The following PDK1 variants were observed in gnomAD, a reference collection of about 807,000 sequenced individuals.
PDK1 encodes the protein [Pyruvate dehydrogenase (acetyl-transferring)] kinase isozyme 1, mitochondrial.
In PDK1, 39 loss-of-function variants were observed where a neutral mutation model predicts 54.2. The ratio of observed to expected loss-of-function variants is 0.72; its 90% CI spans 0.56 to 0.94. The LOEUF (loss-of-function observed/expected upper bound fraction) is 0.94, where lower values mean the gene tolerates loss of function less well. Among genes scored for constraint, PDK1 ranks in the 40% least tolerant of loss-of-function variants. The pLI is 0.00. For synonymous variants in PDK1, 221 were observed against 207.1 expected, an observed-to-expected ratio of 1.07 and a Z score of -0.58; for missense variants, 552 against 566.0, an observed-to-expected ratio of 0.98 and a Z score of 0.25.
downstream of PDK1, among the ~76,000 whole-genome samples, chr2:172,609,197 C>T (rs377506118): frequency 6.6e-5 from 10 of 152,256 alleles, no homozygotes; most frequent in East Asian, 7.7e-4. Context: ...ATGCTATCTA[C>T]GACAAGGACA....
At chr2:172,667,288 A>C in the PDK1 span, among the ~76,000 whole-genome samples, 1 of 152,240 alleles carries the variant, frequency 6.6e-6, no homozygotes, top group Non-Finnish European at 1.5e-5. Flanking sequence ...GGTTGTCTGC[A>C]GAAGGAACAG....
At chr2:172,668,938 GAA>G in the PDK1 span, among the ~76,000 whole-genome samples, 205 of 128,026 alleles carry the variant, frequency 1.6e-3, 3 homozygotes, top group East Asian at 9.9e-3. Context: ...GAGAGAGAGA[GAA>G]AGAGAGAGAG....
the PDK1 span, among the ~76,000 whole-genome samples, chr2:172,721,989 C>T: frequency 1.3e-5 from 2 of 152,222 alleles, no homozygotes; most frequent in South Asian, 2.1e-4. Context: ...CTTGCCTTAC[C>T]GTTAGCTACT....
At chr2:172,713,571 G>A in the PDK1 span, among the ~76,000 whole-genome samples, 1 of 152,378 alleles carries the variant, frequency 6.6e-6, no homozygotes, top group East Asian at 1.9e-4. Flanking sequence ...TCCTGAGCAT[G>A]TGCACACCCA....
At chr2:172,646,735 C>CTT in the PDK1 span, among the ~76,000 whole-genome samples, 388 of 72,030 alleles carry the variant, frequency 5.4e-3, 26 homozygotes, top group Middle Eastern at 0.028. Flanking sequence ...CTTGCATTTC[C>CTT]TTTTTTTTTT....
At chr2:172,683,333 C>T in the PDK1 span, among the ~76,000 whole-genome samples, 36 of 120,704 alleles carry the variant, frequency 3.0e-4, no homozygotes, top group East Asian at 4.8e-4. Context: ...GGCGACAGAG[C>T]GAAACTCCGT....
chr2:172,679,139 A>T, the PDK1 span: 4 of 152,160 alleles, frequency 2.6e-5, no homozygotes, highest in African/African-American at 9.7e-5. Flanking sequence ...ACTTCCCTAA[A>T]TTTTTATTCT....
chr2:172,723,277 T>C, the PDK1 span: 1 of 152,212 alleles, frequency 6.6e-6, no homozygotes, highest in Non-Finnish European at 1.5e-5. Flanking sequence ...TATACTATTC[T>C]TTTGATGACA....
At chr2:172,668,953 G>A in the PDK1 span, among the ~76,000 whole-genome samples, 8 of 134,052 alleles carry the variant, frequency 6.0e-5, 1 homozygote, top group South Asian at 2.1e-3. Flanking sequence ...AGAGAGAGAC[G>A]GAGTAAACTC....
At chr2:172,562,758 G>T (rs748242051) in intron 3 of PDK1, 7 of 1,599,440 alleles carry the variant, frequency 4.4e-6, no homozygotes, top group South Asian at 2.2e-5. Context: ...AGAAGAACAT[G>T]GTTGCAGGTC....
chr2:172,572,650 C>G (rs963903797), intron 8 of PDK1, among the ~76,000 whole-genome samples: 1 of 152,128 alleles, frequency 6.6e-6, no homozygotes, highest in Non-Finnish European at 1.5e-5. Context: ...CGCTTGAACC[C>G]AGCAGCAGAG....
Position 172,562,204 on chromosome 2 carries a change from T to A in PDK1, c.339-16T>A. On this transcript the variant is annotated splice_polypyrimidine_tract_variant and intron_variant, in intron 2 of 10. Transcript: ENST00000282077. ...AATATAAAAGAACAAACTTATCCTA[T>A]TGATCTGCATTTTAGGTATATCCAG... 1 of 1,416,466 alleles carries A rather than the reference T, an allele frequency of 7.1e-7. No individual in the cohort carries two copies. The highest frequency in any genetic ancestry group is 9.9e-7 in the Non-Finnish European group (1 of 1,006,802). 87.7% of individuals were successfully genotyped at this position (1,416,466 alleles called of 1,614,324 possible). A position where few individuals can be genotyped will look rare whatever the true frequency, so the allele number is the denominator to read the frequency against.
chr2:172,657,466 C>T, the PDK1 span, among the ~76,000 whole-genome samples: 41,938 of 89,346 alleles, frequency 0.47, 12,021 homozygotes, highest in Non-Finnish European at 0.61. Flanking sequence ...TATTTTTTAA[C>T]TTGTGGTTTT....
chr2:172,593,513 C>T (rs1048372177), intron 10 of PDK1, among the ~76,000 whole-genome samples: 6 of 152,142 alleles, frequency 3.9e-5, no homozygotes, highest in African/African-American at 1.2e-4. Flanking sequence ...TTATGCAGTC[C>T]TTTACAGATA....
chr2:172,709,251 A>G, the PDK1 span, among the ~76,000 whole-genome samples: 1 of 152,144 alleles, frequency 6.6e-6, no homozygotes. Flanking sequence ...TCTCCTCACA[A>G]CTTGCTTTCA....
Position 172,607,808 on chromosome 2 carries a change from G to A in PDK1, c.*11839G>A, listed in dbSNP as rs1185124718. 6.6e-6 allele frequency: 1 copy of A among 152,524 alleles called. No homozygotes were observed. Among genetic ancestry groups the A allele is most frequent in the Non-Finnish European group, 1.5e-5 (1 of 68,302 alleles). 9.4% of individuals were successfully genotyped at this position (152,524 alleles called of 1,614,324 possible). A position where few individuals can be genotyped will look rare whatever the true frequency, so the allele number is the denominator to read the frequency against. ...GGGATAGGGGAACTTTAGGAGCAGAGTAGTGTTGATAACTGGCATCTGGAA... is the reference window on the plus strand; with the variant it reads ...GGGATAGGGGAACTTTAGGAGCAGAATAGTGTTGATAACTGGCATCTGGAA... On this transcript the variant is annotated 3_prime_UTR_variant, in exon 11 of 11. Coordinates refer to ENST00000282077, the MANE Select transcript of PDK1 (RefSeq NM_002610.5).
chr2:172,706,995 G>A, the PDK1 span, among the ~76,000 whole-genome samples: 2 of 152,170 alleles, frequency 1.3e-5, no homozygotes, highest in African/African-American at 4.8e-5. Context: ...CCAGCTAGGA[G>A]GGAGTTACTG....
chr2:172,566,682 C>T (rs1688962678), intron 5 of PDK1, among the ~76,000 whole-genome samples, 174 bp from the exon 6 acceptor site: 1 of 140,740 alleles, frequency 7.1e-6, no homozygotes. Context: ...ATAGGGAGAC[C>T]ATGTCTCTAC....
chr2:172,630,958 T>A, the PDK1 span, among the ~76,000 whole-genome samples: 1 of 152,168 alleles, frequency 6.6e-6, no homozygotes, highest in Non-Finnish European at 1.5e-5. Flanking sequence ...AAGAAGTCCT[T>A]CTCCATCCCC....
Sources: gnomAD v4.1 joint callset for allele counts (sites outside exome capture counted in the v4.1 genomes callset) on GRCh38, gnomAD v4.1.1 for gene constraint, MANE v1.5 for transcripts, NCBI Gene and HGNC (gene_info 2026-07-23, HGNC 2026-07-21) for gene names.